TBC1D14: variants seen among roughly 807,000 people sequenced by gnomAD.
The protein encoded by TBC1D14 is TBC1 domain family, member 14.
A neutral mutation model predicts 79.0 loss-of-function variants in TBC1D14; 26 were observed. That is an observed-to-expected ratio of 0.33 (90% CI 0.24 to 0.46). The LOEUF (loss-of-function observed/expected upper bound fraction) is 0.46, where lower values mean the gene tolerates loss of function less well. Among genes scored for constraint, TBC1D14 ranks in the 20% least tolerant of loss-of-function variants. The probability of loss-of-function intolerance (pLI) is 1.00; values close to 1 mark genes in which losing one functional copy is unlikely to be tolerated. For synonymous variants in TBC1D14, 394 were observed against 349.9 expected (o/e 1.13, Z -1.40); for missense variants, 769 against 887.6 (o/e 0.87, Z 1.70).
At chr4:6,998,569 C>T (rs957655142) in intron 5 of TBC1D14, among the ~76,000 whole-genome samples, 2 of 144,796 alleles carry the variant, frequency 1.4e-5, no homozygotes, top group African/African-American at 2.6e-5. Context: ...GGTGTAGTCT[C>T]GCTCTGTTGC....
intron 3 of TBC1D14, among the ~76,000 whole-genome samples, chr4:6,969,891 C>T (rs1346118855): frequency 6.6e-6 from 1 of 152,180 alleles, no homozygotes. Flanking sequence ...TCATTCAATC[C>T]TGCCCGGGAC....
At chr4:6,940,732 C>G (rs1712824057) in intron 2 of TBC1D14, among the ~76,000 whole-genome samples, 1 of 152,172 alleles carries the variant, frequency 6.6e-6, no homozygotes, top group Non-Finnish European at 1.5e-5. Flanking sequence ...AGCCAAAGAT[C>G]TGAAAGTCTG....
chr4:6,974,645 A>G (rs1660247677), intron 3 of TBC1D14, among the ~76,000 whole-genome samples: 1 of 152,178 alleles, frequency 6.6e-6, no homozygotes, highest in African/African-American at 2.4e-5. Flanking sequence ...GGGAACCACA[A>G]CTCACAGAAG....
At chr4:7,016,583 C>A (rs1285235449) in intron 12 of TBC1D14, among the ~76,000 whole-genome samples, 1 of 152,178 alleles carries the variant, frequency 6.6e-6, no homozygotes, top group Non-Finnish European at 1.5e-5. Flanking sequence ...CAAACTTTTC[C>A]CACCTTTACT....
chr4:7,000,685 A>G (rs138226830), intron 6 of TBC1D14, among the ~76,000 whole-genome samples: 27 of 152,196 alleles, frequency 1.8e-4, no homozygotes, highest in Middle Eastern at 3.4e-3. Context: ...CTGGGCCTGT[A>G]TTGGTGGTGC....
intron 3 of TBC1D14, among the ~76,000 whole-genome samples, chr4:6,979,615 T>G (rs747263309): frequency 6.6e-6 from 1 of 151,976 alleles, no homozygotes; most frequent in Non-Finnish European, 1.5e-5. Flanking sequence ...TGAGACCCTA[T>G]CTCAAAAAAA....
At chr4:7,010,203 A>C (rs1337948157) in intron 10 of TBC1D14, among the ~76,000 whole-genome samples, 1 of 152,326 alleles carries the variant, frequency 6.6e-6, no homozygotes, top group East Asian at 1.9e-4. Context: ...ACTTTTTTCC[A>C]ACATTAAATC....
intron 2 of TBC1D14, among the ~76,000 whole-genome samples, chr4:6,930,269 T>G (rs1387487732): frequency 6.6e-6 from 1 of 152,150 alleles, no homozygotes; most frequent in Non-Finnish European, 1.5e-5. Context: ...TGAGAATGCC[T>G]TTTCCTCCTC....
intron 1 of TBC1D14, among the ~76,000 whole-genome samples, chr4:6,914,708 C>T (rs552331102): frequency 6.6e-6 from 1 of 152,256 alleles, no homozygotes; most frequent in South Asian, 2.1e-4. Context: ...GAGCCTGGAG[C>T]GTCCAGTCCT....
intron 2 of TBC1D14, among the ~76,000 whole-genome samples, chr4:6,949,406 G>C (rs1180218798): frequency 1.3e-5 from 2 of 152,122 alleles, no homozygotes; most frequent in Non-Finnish European, 2.9e-5. Flanking sequence ...TTCGTGGCCG[G>C]GCACAGTGGC....
At chr4:6,931,797 C>T (rs1419494231) in intron 2 of TBC1D14, among the ~76,000 whole-genome samples, 2 of 151,976 alleles carry the variant, frequency 1.3e-5, no homozygotes, top group Admixed American at 1.3e-4. Flanking sequence ...TGACTGAGCA[C>T]CTGCCATATG....
At chr4:6,961,702 A>T (rs981347970) in intron 2 of TBC1D14, among the ~76,000 whole-genome samples, 6 of 152,096 alleles carry the variant, frequency 3.9e-5, no homozygotes, top group Non-Finnish European at 7.4e-5. Context: ...CTTACAGAAG[A>T]TGGCCCTGGT....
At chr4:7,028,015 CACCCACACAT>C (rs1338365574) in intron 13 of TBC1D14, among the ~76,000 whole-genome samples, 3 of 143,438 alleles carry the variant, frequency 2.1e-5, no homozygotes, top group African/African-American at 5.2e-5. Flanking sequence ...ACCCCACACA[CACCCACACAT>C]ACATGCACAC....
At position 6,966,648 on chromosome 4, in the gene TBC1D14, A is replaced by C. The variant is rs1715722274; in HGVS notation, c.723-656A>C. ...GTAGGAAACTGAGGCTCAGAGGTTA[A>C]TATACTGGTCCAGTGTCATGTGGCT... On this transcript the variant is annotated intron_variant, in intron 2 of 13. Coordinates refer to ENST00000409757, the MANE Select transcript of TBC1D14 (RefSeq NM_020773.3). Among the ~76,000 whole-genome samples the C allele has an allele frequency of 3.3e-5, 5 of 152,368 alleles. No individual in the cohort carries two copies. In the South Asian group the frequency reaches 1.0e-3, roughly 32 times the overall value.
At chr4:6,938,882 C>T (rs1222460988) in intron 2 of TBC1D14, among the ~76,000 whole-genome samples, 3 of 152,224 alleles carry the variant, frequency 2.0e-5, no homozygotes, top group East Asian at 1.9e-4. Flanking sequence ...GGGTTCCTCC[C>T]CTGCAGCCGC....
At chr4:6,976,943 ACT>A (rs1560299374) in intron 3 of TBC1D14, among the ~76,000 whole-genome samples, 1 of 151,378 alleles carries the variant, frequency 6.6e-6, no homozygotes, top group Non-Finnish European at 1.5e-5. Context: ...AATATACATA[ACT>A]CTCATTTCCT....
intron 9 of TBC1D14, among the ~76,000 whole-genome samples, chr4:7,007,254 T>C (rs373416740): frequency 1.3e-5 from 2 of 152,160 alleles, no homozygotes; most frequent in African/African-American, 4.8e-5. Flanking sequence ...AGAAGCCTGC[T>C]GTGGGAGATA....
chr4:7,013,164 G>A (rs558449784), intron 11 of TBC1D14, among the ~76,000 whole-genome samples: 1 of 152,276 alleles, frequency 6.6e-6, no homozygotes, highest in East Asian at 1.9e-4. Context: ...TTTCTCCCTG[G>A]CAGCCCCGTT....
chr4:6,911,698 T>C (rs1723007347), intron 1 of TBC1D14, among the ~76,000 whole-genome samples: 1 of 152,218 alleles, frequency 6.6e-6, no homozygotes, highest in South Asian at 2.1e-4. Flanking sequence ...GGTTGATTGC[T>C]TAGCTGGTGC....
Sources: allele counts gnomAD v4.1 joint callset (sites outside exome capture counted in the v4.1 genomes callset), GRCh38; gene constraint gnomAD v4.1.1; transcripts MANE v1.5; gene names NCBI Gene and HGNC (gene_info 2026-07-23, HGNC 2026-07-21).